Variants in DCBLD1 observed in about 807,000 individuals in gnomAD.
DCBLD1 encodes discoidin, CUB and LCCL domain containing 1, also known as discoidin, CUB and LCCL domain-containing protein 1.
Under a neutral mutation model 71.5 loss-of-function variants are expected in DCBLD1, and 57 were observed. The ratio of observed to expected loss-of-function variants is 0.80; its 90% CI spans 0.64 to 0.99. The LOEUF is 0.99. Among genes scored for constraint, DCBLD1 ranks in the 50% least tolerant of loss-of-function variants. DCBLD1 has a pLI of 0.00. For synonymous variants in DCBLD1, 380 were observed against 363.8 expected (o/e 1.04, Z -0.51); for missense variants, 891 against 923.5 (o/e 0.96, Z 0.46).
In DCBLD1 at chr6:117,521,590, T is replaced by G. The variant is rs374941271; in HGVS notation, c.512+14T>G. 3.9e-6 allele frequency: 6 copies of G among 1,555,756 alleles called. No homozygotes were observed. In the African/African-American group the frequency reaches 5.7e-5, roughly 15 times the overall value. ...GACAGAATACAGGTAAGTATAGGTATCCTAACTGTGTTGCAGTCGTGTATT... is the reference window on the plus strand; with the variant it reads ...GACAGAATACAGGTAAGTATAGGTAGCCTAACTGTGTTGCAGTCGTGTATT... On this transcript the variant is annotated intron_variant, in intron 4 of 14. Transcript: ENST00000338728.
At chr6:117,524,709 T>C (rs1295643077) in intron 4 of DCBLD1, among the ~76,000 whole-genome samples, 1 of 152,164 alleles carries the variant, frequency 6.6e-6, no homozygotes, top group Non-Finnish European at 1.5e-5. Context: ...AAATATCTTA[T>C]TGGTATTTAT....
intron 14 of DCBLD1, among the ~76,000 whole-genome samples, chr6:117,564,700 C>A (rs1779658557): frequency 6.6e-6 from 1 of 152,102 alleles, no homozygotes; most frequent in Non-Finnish European, 1.5e-5. Context: ...GAGAAGACTT[C>A]TAGCCTCAGT....
At chr6:117,493,135 C>T (rs530806628) in intron 1 of DCBLD1, among the ~76,000 whole-genome samples, 1 of 152,282 alleles carries the variant, frequency 6.6e-6, no homozygotes, top group Non-Finnish European at 1.5e-5. Flanking sequence ...TTTTCTTTCA[C>T]TTTAAAAAAT....
intron 1 of DCBLD1, chr6:117,494,880 G>C (rs890313922): frequency 1.3e-5 from 2 of 152,182 alleles, no homozygotes; most frequent in Admixed American, 1.3e-4. Context: ...ATGTCTCACA[G>C]AGCACTACTC....
intron 2 of DCBLD1, among the ~76,000 whole-genome samples, chr6:117,517,062 T>C (rs1778225030): frequency 6.6e-6 from 1 of 152,212 alleles, no homozygotes; most frequent in African/African-American, 2.4e-5. Context: ...CATTTCAGCA[T>C]TAACTTAAAA....
At chr6:117,524,200 A>ATT (rs879540380) in intron 4 of DCBLD1, among the ~76,000 whole-genome samples, 12 of 140,978 alleles carry the variant, frequency 8.5e-5, no homozygotes, top group Non-Finnish European at 9.3e-5. Flanking sequence ...TTGAATCCTA[A>ATT]TTTTTTTTTT....
intron 14 of DCBLD1, chr6:117,562,436 C>T (rs1282551561): frequency 4.9e-6 from 1 of 202,208 alleles, no homozygotes; most frequent in Non-Finnish European, 1.0e-5. Context: ...ATGTATAAAA[C>T]TGTCTTTTGT....
chr6:117,483,083 G>A (rs1776958499), intron 1 of DCBLD1, among the ~76,000 whole-genome samples, 190 bp downstream of exon 1: 1 of 152,138 alleles, frequency 6.6e-6, no homozygotes, highest in Non-Finnish European at 1.5e-5. Context: ...TGGGGGTGAA[G>A]TAGGTTACTG....
At chr6:117,541,483 C>T (rs1297568784) in intron 11 of DCBLD1, among the ~76,000 whole-genome samples, 2 of 152,084 alleles carry the variant, frequency 1.3e-5, no homozygotes, top group Non-Finnish European at 2.9e-5. Flanking sequence ...AGAAAAATTT[C>T]AAGAAAACAT....
intron 14 of DCBLD1, chr6:117,560,509 C>CCTT (rs1220849204): frequency 5.1e-6 from 1 of 194,486 alleles, no homozygotes; most frequent in African/African-American, 2.3e-5. Context: ...TCACATGAAA[C>CCTT]CTTTTTGTTT....
In DCBLD1 at chr6:117,539,324, A is replaced by C; in HGVS notation, c.1046A>C (p.Lys349Thr). ...FYVKSFVMNF[K>T]NNNSKWKTYK... ...GTTAAGAGTTTTGTGATGAACTTCA[A>C]AAACAATAATTCTAAGTGGAAGACC... Residue 349 changes from lysine to threonine, a missense_variant, in exon 9 of 15, where the codon AAA becomes ACA. By Grantham distance (78) the Lys-to-Thr change is moderately conservative. Transcript: ENST00000338728. 1 of 1,610,422 alleles carries C rather than the reference A, an allele frequency of 6.2e-7. No homozygotes were observed. Among genetic ancestry groups the C allele is most frequent in the Non-Finnish European group, 8.5e-7 (1 of 1,179,170 alleles).
chr6:117,521,466 G>T, intron 3 of DCBLD1, 59 bp from the exon 4 acceptor site: 2 of 1,359,784 alleles, frequency 1.5e-6, no homozygotes, highest in Non-Finnish European at 2.0e-6. Context: ...AAGCTTTGCA[G>T]CATGAGTGTC....
At chr6:117,547,533 C>T (rs1779306472) in intron 14 of DCBLD1, 2 of 510,026 alleles carry the variant, frequency 3.9e-6, no homozygotes, top group Admixed American at 4.6e-5. Context: ...CATACTCTGG[C>T]CATATCAACT....
chr6:117,536,752 T>C (rs78917982), intron 6 of DCBLD1, among the ~76,000 whole-genome samples: 4,284 of 152,318 alleles, frequency 0.028, 82 homozygotes, highest in East Asian at 0.054. Flanking sequence ...TGGGACACTT[T>C]AAGGTGACTG....
intron 14 of DCBLD1, chr6:117,563,420 T>C: frequency 3.1e-6 from 5 of 1,608,586 alleles, no homozygotes; most frequent in Non-Finnish European, 3.4e-6. Context: ...AGACACTTTC[T>C]GGTTTAAAAA....
intron 6 of DCBLD1, among the ~76,000 whole-genome samples, chr6:117,532,783 A>G (rs1778766954): frequency 6.6e-6 from 1 of 152,332 alleles, no homozygotes; most frequent in African/African-American, 2.4e-5. Context: ...GCTCCCTAGA[A>G]CACTCCTAGA....
chr6:117,554,248 T>G (rs187013607), downstream of DCBLD1, among the ~76,000 whole-genome samples: 135 of 152,372 alleles, frequency 8.9e-4, no homozygotes, highest in African/African-American at 3.1e-3. Context: ...CATTTAATTC[T>G]ATTGGCAATA....
chr6:117,542,012 A>G (rs4946265), intron 11 of DCBLD1, among the ~76,000 whole-genome samples: 67,914 of 151,954 alleles, frequency 0.45, 16,052 homozygotes, highest in South Asian at 0.62. Flanking sequence ...TAACACCGCT[A>G]CCGGGCACAT....
At chr6:117,553,669 TA>T (rs1779459342), downstream of DCBLD1, among the ~76,000 whole-genome samples, 3 of 152,236 alleles carry the variant, frequency 2.0e-5, no homozygotes, top group Admixed American at 2.0e-4. Context: ...CAAAACGTAG[TA>T]TCCCTTTCCA....
Sources: gnomAD v4.1 joint callset for allele counts (sites outside exome capture counted in the v4.1 genomes callset) on GRCh38, gnomAD v4.1.1 for gene constraint, MANE v1.5 for transcripts, NCBI Gene and HGNC (gene_info 2026-07-23, HGNC 2026-07-21) for gene names.